Variants in KPNA3 observed in about 807,000 individuals in gnomAD.
KPNA3 encodes the protein karyopherin subunit alpha 3.
KPNA3 carries 13 observed loss-of-function variants against 73.8 expected under a neutral mutation model. That is an observed-to-expected ratio of 0.18 (90% CI 0.11 to 0.28). KPNA3 has a LOEUF of 0.28. Among genes scored for constraint, KPNA3 ranks in the 10% least tolerant of loss-of-function variants. KPNA3 has a pLI of 1.00. For missense variants in KPNA3, 360 were observed against 618.1 expected, an observed-to-expected ratio of 0.58 and a Z score of 4.43; for synonymous variants, 186 against 206.9, an observed-to-expected ratio of 0.90 and a Z score of 0.87.
At chr13:49,752,767 G>A (rs1335311790) in intron 1 of KPNA3, among the ~76,000 whole-genome samples, 1 of 152,052 alleles carries the variant, frequency 6.6e-6, no homozygotes, top group Non-Finnish European at 1.5e-5. Context: ...GGTGGCTTAC[G>A]TCTGTAATCC....
At chr13:49,715,157 T>C (rs932202463) in intron 10 of KPNA3, among the ~76,000 whole-genome samples, 2 of 151,880 alleles carry the variant, frequency 1.3e-5, no homozygotes, top group Admixed American at 1.3e-4. Flanking sequence ...TCAGACAAAA[T>C]GTAGATACAA....
intron 2 of KPNA3, among the ~76,000 whole-genome samples, chr13:49,737,561 C>CTGTGTGTGTG (rs3990330): frequency 7.0e-6 from 1 of 142,958 alleles, no homozygotes; most frequent in Non-Finnish European, 1.5e-5. Flanking sequence ...GTGTGTGTGT[C>CTGTGTGTGTG]TGTGTGTGTG....
At chr13:49,726,344 C>T (rs1954409036) in intron 6 of KPNA3, among the ~76,000 whole-genome samples, 1 of 152,138 alleles carries the variant, frequency 6.6e-6, no homozygotes. Context: ...AAGAAAGTGA[C>T]AACTGAACTA....
chr13:49,742,647 A>G (rs1594446194), intron 2 of KPNA3, among the ~76,000 whole-genome samples: 1 of 151,898 alleles, frequency 6.6e-6, no homozygotes, highest in Admixed American at 6.6e-5. Flanking sequence ...GTGAAAAATG[A>G]CATTAGAGGT....
chr13:49,757,650 C>G (rs892908124), intron 1 of KPNA3, among the ~76,000 whole-genome samples: 9 of 151,990 alleles, frequency 5.9e-5, no homozygotes, highest in Non-Finnish European at 1.0e-4. Flanking sequence ...GACCCAGCAA[C>G]TACACATTGG....
rs1954137869 is a variant in KPNA3, at chr13:49,700,541, T to G, written c.*1259A>C. The G allele has an allele frequency of 1.3e-5, 2 of 152,688 alleles. No homozygotes were observed. The highest frequency in any genetic ancestry group is 2.1e-4 in the South Asian group (1 of 4,836). 9.5% of individuals were successfully genotyped at this position (152,688 alleles called of 1,614,324 possible). A position where few individuals can be genotyped will look rare whatever the true frequency, so the allele number is the denominator to read the frequency against. On this transcript the variant is annotated 3_prime_UTR_variant, in exon 17 of 17. Coordinates refer to ENST00000261667, the MANE Select transcript of KPNA3 (RefSeq NM_002267.4). Reference sequence around the variant, plus strand: ...CTTAGAGATCACTGCAAATCAGGTTTATGTTAAATAACTGCAAATTACTCC... The same window carrying G: ...CTTAGAGATCACTGCAAATCAGGTTGATGTTAAATAACTGCAAATTACTCC...
intron 6 of KPNA3, among the ~76,000 whole-genome samples, chr13:49,731,250 T>G (rs1322422683): frequency 1.4e-4 from 9 of 65,046 alleles, no homozygotes; most frequent in Non-Finnish European, 2.2e-4. Flanking sequence ...AATTTTCGTG[T>G]TTTTTTTTTT....
intron 1 of KPNA3, among the ~76,000 whole-genome samples, chr13:49,767,866 T>C (rs995692933): frequency 2.6e-5 from 4 of 152,232 alleles, no homozygotes; most frequent in South Asian, 4.1e-4. Context: ...AGTATACCTA[T>C]ATAAAGCATT....
chr13:49,787,509 T>A (rs1954992975), intron 1 of KPNA3, among the ~76,000 whole-genome samples: 1 of 151,974 alleles, frequency 6.6e-6, no homozygotes, highest in Non-Finnish European at 1.5e-5. Context: ...GCATCAAGCT[T>A]TATTTGTTTG....
In KPNA3 at chr13:49,792,523, GGCGGCGGCTACTCCTGCGGCT is replaced by G. The variant is rs771880164; in HGVS notation, c.-38_-18del. 12 of 1,567,704 alleles carry G rather than the reference GGCGGCGGCTACTCCTGCGGCT, an allele frequency of 7.7e-6. No individual in the cohort carries two copies. Among genetic ancestry groups the G allele is most frequent in the East Asian group, 5.2e-5 (2 of 38,704 alleles). ...CTCGGCCATGGCTGCGCGCGGCTCC[GGCGGCGGCTACTCCTGCGGCT>G]GCGGCGGCGGCGGCGGCGAATCTTG... On this transcript the variant is annotated 5_prime_UTR_variant, in exon 1 of 17. Transcript: ENST00000261667.
At position 49,736,712 on chromosome 13, in the gene KPNA3, C is replaced by T. The variant is rs578043998; in HGVS notation, c.115-3666G>A. On this transcript the variant is annotated intron_variant, in intron 2 of 16. Transcript: ENST00000261667. ...TATTTGCATGTGTGTGTGTGTATTACATCCCATACAATTTTATCACCTGTA... is the reference window on the plus strand; with the variant it reads ...TATTTGCATGTGTGTGTGTGTATTATATCCCATACAATTTTATCACCTGTA... Among the ~76,000 whole-genome samples the T allele has an allele frequency of 9.9e-5, 15 of 152,266 alleles. No homozygotes were observed. In the South Asian group the frequency reaches 3.1e-3, roughly 32 times the overall value.
At chr13:49,708,020 G>A (rs1251045786) in intron 12 of KPNA3, among the ~76,000 whole-genome samples, 1 of 142,824 alleles carries the variant, frequency 7.0e-6, no homozygotes, top group East Asian at 2.0e-4. Flanking sequence ...TTTTGAGACA[G>A]AGTCTTGCTC....
intron 2 of KPNA3, among the ~76,000 whole-genome samples, chr13:49,736,453 C>T (rs944894447): frequency 2.6e-5 from 4 of 152,246 alleles, no homozygotes; most frequent in Admixed American, 2.6e-4. Context: ...TTTAATTCAT[C>T]TTATCAAATA....
At chr13:49,709,495 G>C in intron 12 of KPNA3, 77 bp downstream of exon 12, 1 of 1,188,984 alleles carries the variant, frequency 8.4e-7, no homozygotes, top group South Asian at 1.7e-5. Context: ...AAACATACAA[G>C]TAGCAATAGA....
intron 2 of KPNA3, among the ~76,000 whole-genome samples, chr13:49,740,328 T>G (rs1954562182): frequency 6.6e-6 from 1 of 152,092 alleles, no homozygotes; most frequent in Admixed American, 6.6e-5. Context: ...AAATCTACTG[T>G]CAGTGATTTT....
At chr13:49,706,748 T>C (rs1398185203) in intron 12 of KPNA3, among the ~76,000 whole-genome samples, 7 of 76,956 alleles carry the variant, frequency 9.1e-5, no homozygotes, top group African/African-American at 2.7e-4. Flanking sequence ...AATTTCTTTT[T>C]TCTTTTCTTT....
At chr13:49,744,617 T>C (rs1954600946) in intron 2 of KPNA3, among the ~76,000 whole-genome samples, 1 of 152,144 alleles carries the variant, frequency 6.6e-6, no homozygotes. Context: ...GAACTACAGG[T>C]GCGTGCCACC....
chr13:49,705,585 T>C (rs1002758758), intron 15 of KPNA3, 36 bp downstream of exon 15: 3 of 1,590,402 alleles, frequency 1.9e-6, no homozygotes, highest in Middle Eastern at 1.7e-4. Context: ...AGAGTTCCAG[T>C]GCTCAAATAC....
At chr13:49,782,319 T>G (rs952432262) in intron 1 of KPNA3, among the ~76,000 whole-genome samples, 1 of 152,220 alleles carries the variant, frequency 6.6e-6, no homozygotes, top group Non-Finnish European at 1.5e-5. Context: ...TATTTTTCTT[T>G]CTGAGTTGGC....
Sources: gnomAD v4.1 joint callset for allele counts (sites outside exome capture counted in the v4.1 genomes callset) on GRCh38, gnomAD v4.1.1 for gene constraint, MANE v1.5 for transcripts, NCBI Gene and HGNC (gene_info 2026-07-23, HGNC 2026-07-21) for gene names.